The following IRF6 variants were observed in gnomAD, a reference collection of about 807,000 sequenced individuals.
IRF6 encodes interferon regulatory factor 6.
A neutral mutation model predicts 51.4 loss-of-function variants in IRF6; 6 were observed. The observed-to-expected ratio is 0.12, with a 90% CI of 0.06 to 0.23. The LOEUF (loss-of-function observed/expected upper bound fraction) is 0.23, where lower values mean the gene tolerates loss of function less well. Among genes scored for constraint, IRF6 ranks in the 10% least tolerant of loss-of-function variants. The pLI is 1.00. For missense variants in IRF6, 348 were observed against 585.2 expected, an observed-to-expected ratio of 0.59 and a Z score of 4.18; for synonymous variants, 178 against 215.7, an observed-to-expected ratio of 0.83 and a Z score of 1.53.
chr1:209,803,163 G>A (rs1045002617), intron 1 of IRF6, among the ~76,000 whole-genome samples: 1 of 152,190 alleles, frequency 6.6e-6, no homozygotes, highest in African/African-American at 2.4e-5. Flanking sequence ...ATAAGGAGGA[G>A]GGGATGCATA....
Position 209,790,848 on chromosome 1 carries a change from T to C in IRF6, c.707A>G (p.Glu236Gly). ...GCTCACGGTCATGGTCTGCCCGTAC[T>C]CCTTCCCACGGTACTGAAACTTGAT... ...LDIKFQYRGKEYGQTMTVSNP... is the reference protein window; with the variant it reads ...LDIKFQYRGKGYGQTMTVSNP... The change falls in exon 7 of 9, where the codon GAG (glutamate) becomes GGG (glycine). Residue 236 changes from glutamate (E) to glycine (G), a missense_variant. Glu to Gly is a moderately conservative substitution (Grantham distance 98, BLOSUM62 -2). This residue lies in a region of IRF6 where 125 missense variants were observed against 222.0 expected (regional missense o/e 0.56). Transcript: ENST00000367021. This position sits in a 1 kb window ranked among gnomAD's most constrained non-coding sequence, Gnocchi z 4.8. The C allele has an allele frequency of 6.2e-6, 10 of 1,613,296 alleles. No individual in the cohort carries two copies. The highest frequency in any genetic ancestry group is 8.5e-6 in the Non-Finnish European group (10 of 1,180,024).
In IRF6 at chr1:209,786,197, G is replaced by T; in HGVS notation, c.*2223C>A. 1 of 152,280 alleles carries T rather than the reference G, an allele frequency of 6.6e-6. No individual in the cohort carries two copies. The allele number at this position is 152,280 out of a possible 1,614,324, so 9.4% of individuals were successfully genotyped here. On this transcript the variant is annotated 3_prime_UTR_variant, in exon 9 of 9. Transcript: ENST00000367021. The stretch of plus-strand genomic sequence containing the variant: ...CAGGACCAGAGAAAGAGTGCTGAGG[G>T]TGATTAGATGGAATCCCTGCATGTA...
At chr1:209,791,282 G>A (rs1325628388) in intron 6 of IRF6, among the ~76,000 whole-genome samples, 1 of 152,154 alleles carries the variant, frequency 6.6e-6, no homozygotes, top group East Asian at 1.9e-4. Context: ...GAAACTTGAG[G>A]AAGAAGAAGC....
At chr1:209,792,725 CATTCCATA>C in intron 5 of IRF6, 2 of 423,316 alleles carry the variant, frequency 4.7e-6, no homozygotes, top group South Asian at 2.8e-5. Flanking sequence ...AGGAGTAAGA[CATTCCATA>C]CTGTAAAATT....
intron 5 of IRF6, 135 bp downstream of exon 5, chr1:209,795,155 G>A (rs1408473993): frequency 5.7e-6 from 6 of 1,045,518 alleles, no homozygotes; most frequent in Non-Finnish European, 8.9e-6. Context: ...ACTCCCACTT[G>A]CTAACAGTCC....
intron 1 of IRF6, among the ~76,000 whole-genome samples, chr1:209,803,410 G>A (rs1053300775): frequency 1.4e-4 from 21 of 152,190 alleles, no homozygotes; most frequent in African/African-American, 4.3e-4. Flanking sequence ...AGGACTTATT[G>A]TAGTTGATCC....
chr1:209,789,344 A>AG lies in IRF6; in HGVS notation c.1179+322_1179+323insC, dbSNP rs570205236. Among the ~76,000 whole-genome samples, 8 of 117,184 alleles carry AG rather than the reference A, an allele frequency of 6.8e-5. No individual in the cohort carries two copies. The South Asian group carries it at 2.4e-3, about 36-fold the overall frequency. 76.9% of individuals were successfully genotyped at this position (117,184 alleles called of 152,430 possible). A position where few individuals can be genotyped will look rare whatever the true frequency, so the allele number is the denominator to read the frequency against. On this transcript the variant is annotated intron_variant, in intron 8 of 8. Transcript: ENST00000367021. ...GTCTCCAAAAAAAAAAAAAAGTGCA[A>AG]TTTACATTGTGTGTGTGTGTGTGTG...
At chr1:209,791,499 G>A (rs1375280581) in intron 6 of IRF6, among the ~76,000 whole-genome samples, 2 of 152,180 alleles carry the variant, frequency 1.3e-5, no homozygotes, top group African/African-American at 4.8e-5. Context: ...TATGTAGTGT[G>A]AAAGGGAGAC....
Position 209,790,835 on chromosome 1 carries a change from G to A in IRF6, c.720C>T (p.Thr240=), listed in dbSNP as rs1558039227. 3 of 1,613,640 alleles carry A rather than the reference G, an allele frequency of 1.9e-6. No individual in the cohort carries two copies. Among genetic ancestry groups the A allele is most frequent in the East Asian group, 2.2e-5 (1 of 44,882 alleles). The part of the protein sequence containing the change: ...FQYRGKEYGQ[T]MTVSNPQGCR... ...AGCCCTGAGGGTTGCTCACGGTCAT[G>A]GTCTGCCCGTACTCCTTCCCACGGT... Residue 240 remains threonine (T), a synonymous_variant, in exon 7 of 9, where the codon ACC becomes ACT. Coordinates refer to ENST00000367021, the MANE Select transcript of IRF6 (RefSeq NM_006147.4). The surrounding 1 kb of genome is among the most constrained non-coding windows in gnomAD (Gnocchi z 4.8).
At position 209,786,795 on chromosome 1, in the gene IRF6, T is replaced by G. The variant is rs577800630; in HGVS notation, c.*1625A>C. The G allele has an allele frequency of 9.8e-5, 15 of 152,306 alleles. No individual in the cohort carries two copies. The highest frequency in any genetic ancestry group is 3.1e-4 in the African/African-American group (13 of 41,546). The allele number at this position is 152,306 out of a possible 1,614,324, so 9.4% of individuals were successfully genotyped here. The stretch of plus-strand genomic sequence containing the variant: ...ATAAGTCCTCATGTCACCACTGATT[T>G]TGAACTTTTAGTTTTTAAAATAAGG... On this transcript the variant is annotated 3_prime_UTR_variant, in exon 9 of 9. Coordinates refer to ENST00000367021, the MANE Select transcript of IRF6 (RefSeq NM_006147.4).
chr1:209,792,557 C>G, intron 5 of IRF6, 130 bp from the exon 6 acceptor site: 2 of 911,128 alleles, frequency 2.2e-6, no homozygotes, highest in Non-Finnish European at 3.4e-6. Context: ...GATCTTCCAG[C>G]CCATCAGTGA....
At position 209,796,312 on chromosome 1, in the gene IRF6, T is replaced by G. The variant is rs370221377; in HGVS notation, c.379+36A>C. On this transcript the variant is annotated intron_variant, in intron 4 of 8. Coordinates refer to ENST00000367021, the MANE Select transcript of IRF6 (RefSeq NM_006147.4). The surrounding 1 kb of genome is among the most constrained non-coding windows in gnomAD (Gnocchi z 4.5). ...TAAGAGTGCAGCCCAGAATCTGGCA[T>G]GCTGCCCACCTTCTCCCCAGCACCT... The G allele has an allele frequency of 1.9e-6, 3 of 1,576,474 alleles. No homozygotes were observed. The highest frequency in any genetic ancestry group is 2.6e-6 in the Non-Finnish European group (3 of 1,146,782).
chr1:209,788,892 T>C (rs2077850977), intron 8 of IRF6, among the ~76,000 whole-genome samples: 1 of 152,236 alleles, frequency 6.6e-6, no homozygotes, highest in Non-Finnish European at 1.5e-5. Context: ...AATGACTGCT[T>C]ACTTTGCAAG....
chr1:209,797,370 CAAAAAAA>C (rs11418099), intron 3 of IRF6, among the ~76,000 whole-genome samples: 41 of 48,590 alleles, frequency 8.4e-4, no homozygotes, highest in African/African-American at 3.5e-3. Context: ...AACTTCATCT[CAAAAAAA>C]AAAAAAAAAA....
chr1:209,794,797 C>A (rs1283273246), intron 5 of IRF6, among the ~76,000 whole-genome samples: 2 of 152,220 alleles, frequency 1.3e-5, no homozygotes, highest in Non-Finnish European at 2.9e-5. Context: ...AAAGAAAAGT[C>A]TCTTGCAGAT....
At position 209,797,208 on chromosome 1, in the gene IRF6, T is replaced by C. The variant is rs552707552; in HGVS notation, c.175-656A>G. ...CAACGCGGAGAAACTCTGTCTCTAC[T>C]AAAAATACAAAATTAGCCGGGCATG... On this transcript the variant is annotated intron_variant, in intron 3 of 8. Coordinates refer to ENST00000367021, the MANE Select transcript of IRF6 (RefSeq NM_006147.4). 1.3e-4 allele frequency among the ~76,000 whole-genome samples: 19 copies of C among 151,928 alleles called. No homozygotes were observed. In the South Asian group the frequency reaches 3.9e-3, roughly 32 times the overall value.
chr1:209,803,551 C>T (rs1455315920), intron 1 of IRF6, among the ~76,000 whole-genome samples: 1 of 152,152 alleles, frequency 6.6e-6, no homozygotes, highest in Non-Finnish European at 1.5e-5. Flanking sequence ...CAGTGTTCTC[C>T]TAAGATGGGA....
intron 5 of IRF6, 110 bp from the exon 6 acceptor site, chr1:209,792,537 G>C: frequency 8.8e-7 from 1 of 1,130,076 alleles, no homozygotes; most frequent in Non-Finnish European, 1.3e-6. Flanking sequence ...ACTGAACCCT[G>C]ACCCAGTGTG....
intron 5 of IRF6, chr1:209,793,058 A>G (rs1162756972): frequency 1.6e-5 from 1 of 63,572 alleles, no homozygotes; most frequent in Non-Finnish European, 3.6e-5. Flanking sequence ...GTTTAAAAAA[A>G]GAAAAAAGAG....
Sources: gnomAD v4.1 joint callset for allele counts (sites outside exome capture counted in the v4.1 genomes callset) on GRCh38, gnomAD v4.1.1 for gene constraint, gnomAD v4.1.1 regional missense constraint, Gnocchi (gnomAD v3.1) non-coding constraint, MANE v1.5 for transcripts, NCBI Gene and HGNC (gene_info 2026-07-23, HGNC 2026-07-21) for gene names.